CLCNKB: variants seen among roughly 807,000 people sequenced by gnomAD.
CLCNKB encodes the protein chloride channel protein ClC-Kb.
A neutral mutation model predicts 83.8 loss-of-function variants in CLCNKB; 74 were observed. That is an observed-to-expected ratio of 0.88 (90% CI 0.73 to 1.07). The LOEUF (loss-of-function observed/expected upper bound fraction) is 1.07, where lower values mean the gene tolerates loss of function less well. Among genes scored for constraint, CLCNKB ranks in the 50% least tolerant of loss-of-function variants. The probability of loss-of-function intolerance (pLI) is 0.00; values close to 1 mark genes in which losing one functional copy is unlikely to be tolerated. For missense variants in CLCNKB, 798 were observed against 893.6 expected (o/e 0.89, Z 1.36); for synonymous variants, 358 against 356.6 (o/e 1.00, Z -0.04).
chr1:16,055,410 C>T (rs2023406425), intron 16 of CLCNKB, 25 bp from the exon 17 acceptor site: 2 of 1,601,420 alleles, frequency 1.2e-6, no homozygotes, highest in Non-Finnish European at 1.7e-6. Context: ...ATGTGCCTCC[C>T]TCTGGCTGTC....
intron 4 of CLCNKB, 144 bp downstream of exon 4, chr1:16,046,807 C>T: frequency 9.2e-7 from 1 of 1,089,294 alleles, no homozygotes; most frequent in Non-Finnish European, 1.4e-6. Flanking sequence ...AGCAAGAAGG[C>T]CAGATCTTGA....
chr1:16,043,882 TGAGGGGTCGCTGCAA>T lies in CLCNKB; in HGVS notation c.-8+5_-8+19del, dbSNP rs921593102. The T allele has an allele frequency of 1.7e-5, 2 of 121,184 alleles. No homozygotes were observed. Among genetic ancestry groups the T allele is most frequent in the African/African-American group, 6.9e-5 (2 of 29,164 alleles). The allele number at this position is 121,184 out of a possible 1,614,324, so 7.5% of individuals were successfully genotyped here. A position where few individuals can be genotyped will look rare whatever the true frequency, so the allele number is the denominator to read the frequency against. On this transcript the variant is annotated splice_donor_5th_base_variant and intron_variant, in intron 1 of 19. Coordinates refer to ENST00000375679, the MANE Select transcript of CLCNKB (RefSeq NM_000085.5). ...CAGCCACAGCAGGAGGACTGACAGG[TGAGGGGTCGCTGCAA>T]GATGCTGGGGCCTGCCAGGGCCAGA...
Position 16,053,782 on chromosome 1 carries a change from C to A in CLCNKB, c.1756+10C>A, listed in dbSNP as rs536490586. On this transcript the variant is annotated intron_variant, in intron 16 of 19. Transcript: ENST00000375679. ...CTGGTGGAGAGCACAGGTGCCCAGC[C>A]GGAAGGGAGGAGGAAGTCGGGGGTA... 6 of 1,613,590 alleles carry A rather than the reference C, an allele frequency of 3.7e-6. No individual in the cohort carries two copies. In the South Asian group the frequency reaches 6.6e-5, roughly 18 times the overall value.
At chr1:16,056,277 C>T (rs1161757505) in intron 18 of CLCNKB, 145 bp from the exon 19 acceptor site, 40 of 876,888 alleles carry the variant, frequency 4.6e-5, no homozygotes, top group Non-Finnish European at 7.8e-5. Flanking sequence ...CCAGTGGCCA[C>T]ATTGGACATT....
At chr1:16,051,078 G>T in intron 12 of CLCNKB, 30 bp downstream of exon 12, 1 of 1,612,988 alleles carries the variant, frequency 6.2e-7, no homozygotes, top group African/African-American at 1.3e-5. Context: ...GGTGTGCACA[G>T]AGCTGGGACC....
In CLCNKB at chr1:16,047,956, A is replaced by G; in HGVS notation, c.410A>G (p.Asp137Gly). ...KTMLAGVVLEDYLDIKNFGAK... is the reference protein window; with the variant it reads ...KTMLAGVVLEGYLDIKNFGAK... ...ATGTTGGCGGGTGTGGTCTTGGAGG[A>G]CTACCTGGATATCAAGAACTTTGGG... Residue 137 changes from aspartate (D) to glycine (G), a missense_variant, in exon 5 of 20, where the codon GAC becomes GGC. Coordinates refer to ENST00000375679, the MANE Select transcript of CLCNKB (RefSeq NM_000085.5). 1 of 1,613,968 alleles carries G rather than the reference A, an allele frequency of 6.2e-7. No individual in the cohort carries two copies. The highest frequency in any genetic ancestry group is 1.1e-5 in the South Asian group (1 of 91,072).
intron 19 of CLCNKB, 96 bp from the exon 20 acceptor site, chr1:16,056,773 C>A: frequency 9.7e-7 from 1 of 1,027,332 alleles, no homozygotes; most frequent in African/African-American, 1.6e-5. Context: ...CTACTATTTA[C>A]CCAGAAACCA....
rs1158094928 is a variant in CLCNKB, at chr1:16,043,891, G to C, written c.-8+11G>C. On this transcript the variant is annotated intron_variant, in intron 1 of 19. Coordinates refer to ENST00000375679, the MANE Select transcript of CLCNKB (RefSeq NM_000085.5). ...CAGGAGGACTGACAGGTGAGGGGTCGCTGCAAGATGCTGGGGCCTGCCAGG... is the reference window on the plus strand; with the variant it reads ...CAGGAGGACTGACAGGTGAGGGGTCCCTGCAAGATGCTGGGGCCTGCCAGG... 1 of 147,540 alleles carries C rather than the reference G, an allele frequency of 6.8e-6. No individual in the cohort carries two copies. The highest frequency in any genetic ancestry group is 2.5e-5 in the African/African-American group (1 of 39,270). 9.1% of individuals were successfully genotyped at this position (147,540 alleles called of 1,614,324 possible).
chr1:16,047,320 C>A (rs1389147385), intron 4 of CLCNKB, among the ~76,000 whole-genome samples: 1 of 152,074 alleles, frequency 6.6e-6, no homozygotes, highest in East Asian at 1.9e-4. Context: ...TTGCATGTGC[C>A]CGTGGTCCGA....
At chr1:16,056,774 C>G (rs1305588450) in intron 19 of CLCNKB, 95 bp from the exon 20 acceptor site, 3 of 1,034,084 alleles carry the variant, frequency 2.9e-6, no homozygotes, top group Non-Finnish European at 3.0e-6. Context: ...TACTATTTAC[C>G]CAGAAACCAC....
chr1:16,049,014 G>T, intron 7 of CLCNKB, 106 bp from the exon 8 acceptor site: 1 of 1,604,912 alleles, frequency 6.2e-7, no homozygotes. Flanking sequence ...CCGGGCTGCA[G>T]GAGAGCAGGA....
Position 16,044,584 on chromosome 1 carries a change from G to T in CLCNKB, c.92G>T (p.Gly31Val). The T allele has an allele frequency of 6.3e-7, 1 of 1,599,822 alleles. No individual in the cohort carries two copies. The highest frequency in any genetic ancestry group is 8.5e-7 in the Non-Finnish European group (1 of 1,174,160). The change falls in exon 2 of 20, where the codon GGC becomes GTC. Residue 31 changes from glycine (G) to valine (V), a missense_variant. Physicochemically the swap from Gly to Val is moderately radical, Grantham distance 109. Transcript: ENST00000375679. ...LWGPCPRIRR[G>V]IRGGLEWLKQ... ...GGCCCCTGTCCCCGCATCCGCCGAG[G>T]CATCCGAGGTGAGAGCCAGGTCCTC... is the stretch of plus-strand genomic sequence containing the variant.
chr1:16,045,591 G>T lies in CLCNKB; in HGVS notation c.134G>T (p.Arg45Leu). 6.2e-7 allele frequency: 1 copy of T among 1,613,866 alleles called. No individual in the cohort carries two copies. The highest frequency in any genetic ancestry group is 8.5e-7 in the Non-Finnish European group (1 of 1,179,802). The change falls in exon 3 of 20, where the codon CGC becomes CTC. Residue 45 changes from arginine to leucine, a missense_variant. Coordinates refer to ENST00000375679, the MANE Select transcript of CLCNKB (RefSeq NM_000085.5). ...GAGTGGCTGAAGCAGAAGCTCTTCC[G>T]CCTGGGCGAGGACTGGTACTTCCTG... ...GLEWLKQKLF[R>L]LGEDWYFLMT...
In CLCNKB at chr1:16,050,955, G is replaced by T; in HGVS notation, c.1134G>T (p.Trp378Cys). 1 of 1,613,776 alleles carries T rather than the reference G, an allele frequency of 6.2e-7. No homozygotes were observed. Among genetic ancestry groups the T allele is most frequent in the South Asian group, 1.1e-5 (1 of 91,066 alleles). The change falls in exon 12 of 20, where the codon TGG becomes TGT. Residue 378 changes from tryptophan (W) to cysteine (C), a missense_variant. Physicochemically the swap from Trp to Cys is radical, Grantham distance 215. Transcript: ENST00000375679. Reference protein sequence around the residue: ...ALMTQNSSPPWPEELDPQHLW... With the variant: ...ALMTQNSSPPCPEELDPQHLW... ...TGACCCAGAACTCCAGCCCACCCTG[G>T]CCCGAGGAGCTCGACCCCCAGCACC...
At chr1:16,047,826 GA>G (rs1222135754) in intron 4 of CLCNKB, 78 bp from the exon 5 acceptor site, 1 of 1,496,556 alleles carries the variant, frequency 6.7e-7, no homozygotes, top group Non-Finnish European at 9.3e-7. Flanking sequence ...ATCGTAATGT[GA>G]AAACATCACA....
rs1332968728 is a variant in CLCNKB at position 16,046,603 on chromosome 1, C to T, written c.298C>T (p.Pro100Ser). 1 of 1,614,136 alleles carries T rather than the reference C, an allele frequency of 6.2e-7. No individual in the cohort carries two copies. The highest frequency in any genetic ancestry group is 1.3e-5 in the African/African-American group (1 of 75,008). The change falls in exon 4 of 20, where the codon CCT becomes TCT. Residue 100 changes from proline to serine, a missense_variant. Physicochemically the swap from Pro to Ser is moderately conservative, Grantham distance 74. Coordinates refer to ENST00000375679, the MANE Select transcript of CLCNKB (RefSeq NM_000085.5). ...LLRYLSWTVY[P>S]VALVSFSSGF... ...CCGGTATCTCTCCTGGACTGTGTAC[C>T]CTGTGGCCCTCGTCTCTTTCTCTTC...
At position 16,048,058 on chromosome 1, in the gene CLCNKB, T is replaced by C; in HGVS notation, c.498+14T>C. 1 of 1,609,974 alleles carries C rather than the reference T, an allele frequency of 6.2e-7. No homozygotes were observed. Among genetic ancestry groups the C allele is most frequent in the Non-Finnish European group, 8.5e-7 (1 of 1,177,554 alleles). On this transcript the variant is annotated intron_variant, in intron 5 of 19. Coordinates refer to ENST00000375679, the MANE Select transcript of CLCNKB (RefSeq NM_000085.5). ...CTCGGGAAAGTGGTATGGGCAGGGG[T>C]GAGGGCATCCCAACCACCCTACCCA... is the stretch of plus-strand genomic sequence containing the variant.
At position 16,052,293 on chromosome 1, in the gene CLCNKB, C is replaced by G; in HGVS notation, c.1504C>G (p.Leu502Val). The G allele has an allele frequency of 2.5e-6, 4 of 1,613,244 alleles. 1 individual carries two copies. The highest frequency in any genetic ancestry group is 1.7e-6 in the Non-Finnish European group (2 of 1,180,042). ...TGQIVHALPV[L>V]MAVLAANAIA... Reference sequence around the variant, plus strand: ...CCAGATAGTGCATGCACTGCCCGTGCTGATGGCGGTGCTGGCAGCCAACGC... The same window carrying G: ...CCAGATAGTGCATGCACTGCCCGTGGTGATGGCGGTGCTGGCAGCCAACGC... The change falls in exon 15 of 20, where the codon CTG (leucine) becomes GTG (valine). Residue 502 changes from leucine (L) to valine (V), a missense_variant. Coordinates refer to ENST00000375679, the MANE Select transcript of CLCNKB (RefSeq NM_000085.5).
chr1:16,050,703 C>T, intron 11 of CLCNKB, 103 bp downstream of exon 11: 2 of 1,485,648 alleles, frequency 1.3e-6, no homozygotes, highest in Non-Finnish European at 1.9e-6. Flanking sequence ...AGGGAGATGC[C>T]TCAGCATTAT....
Sources: allele counts gnomAD v4.1 joint callset (sites outside exome capture counted in the v4.1 genomes callset), GRCh38; gene constraint gnomAD v4.1.1; transcripts MANE v1.5; gene names NCBI Gene and HGNC (gene_info 2026-07-23, HGNC 2026-07-21).